Variants in CLYBL observed in about 807,000 individuals in gnomAD.
CLYBL encodes the protein citramalyl-CoA lyase, also known as citramalyl-CoA lyase, mitochondrial.
Under a neutral mutation model 38.9 loss-of-function variants are expected in CLYBL, and 31 were observed. That is an observed-to-expected ratio of 0.80 (90% CI 0.60 to 1.08). CLYBL has a LOEUF of 1.08. Among genes scored for constraint, CLYBL ranks in the 50% least tolerant of loss-of-function variants. The pLI is 0.00. For synonymous variants in CLYBL, 171 were observed against 158.6 expected (o/e 1.08, Z -0.59); for missense variants, 434 against 411.6 (o/e 1.05, Z -0.47).
At chr13:99,761,499 G>T (rs574552697) in intron 1 of CLYBL, among the ~76,000 whole-genome samples, 1 of 152,304 alleles carries the variant, frequency 6.6e-6, no homozygotes, top group African/African-American at 2.4e-5. Flanking sequence ...TGCTGCAAAT[G>T]ACAGGATTTC....
intron 7 of CLYBL, among the ~76,000 whole-genome samples, chr13:99,888,667 C>T (rs975255255): frequency 3.3e-5 from 5 of 152,028 alleles, no homozygotes; most frequent in Non-Finnish European, 5.9e-5. Flanking sequence ...GCAGGAGAAT[C>T]GAACCCGGGA....
chr13:99,905,397 G>A (rs186036667), exon 9 of CLYBL, among the ~76,000 whole-genome samples: 45 of 152,312 alleles, frequency 3.0e-4, no homozygotes, highest in African/African-American at 1.1e-3. Context: ...CTTCTGTTAC[G>A]TGCCTGTGGT....
chr13:99,696,856 AAGATG>A (rs2047987129), intron 1 of CLYBL, among the ~76,000 whole-genome samples: 1 of 152,160 alleles, frequency 6.6e-6, no homozygotes, highest in African/African-American at 2.4e-5. Context: ...GATGAAAAGA[AAGATG>A]AGAAGATAAG....
chr13:99,812,750 GGGT>G (rs1311569552), intron 2 of CLYBL, among the ~76,000 whole-genome samples: 1 of 152,156 alleles, frequency 6.6e-6, no homozygotes, highest in Non-Finnish European at 1.5e-5. Flanking sequence ...CGGTTAACTG[GGGT>G]GACTCATGTC....
intron 7 of CLYBL, among the ~76,000 whole-genome samples, chr13:99,891,098 C>T (rs1007926362): frequency 1.3e-5 from 2 of 151,996 alleles, no homozygotes; most frequent in African/African-American, 4.8e-5. Context: ...TGTGTTTCTC[C>T]TCTCCATTAA....
chr13:99,826,228 G>A (rs2761170), intron 2 of CLYBL, among the ~76,000 whole-genome samples: 98,313 of 152,010 alleles, frequency 0.65, 32,351 homozygotes, highest in African/African-American at 0.76. Context: ...TGTATAGGTG[G>A]TTGCCCTCCA....
intron 1 of CLYBL, among the ~76,000 whole-genome samples, chr13:99,617,587 A>G (rs998698339): frequency 3.9e-5 from 6 of 152,216 alleles, no homozygotes; most frequent in African/African-American, 1.4e-4. Flanking sequence ...CGCTCTAGCA[A>G]TGGGAGATGC....
intron 2 of CLYBL, among the ~76,000 whole-genome samples, chr13:99,798,097 A>G (rs968645930): frequency 1.3e-5 from 2 of 152,158 alleles, no homozygotes; most frequent in Admixed American, 6.6e-5. Context: ...AATATTTGCC[A>G]GAGTTTCTCT....
intron 1 of CLYBL, among the ~76,000 whole-genome samples, chr13:99,628,463 A>G (rs1018253482): frequency 1.3e-5 from 2 of 152,218 alleles, no homozygotes; most frequent in Non-Finnish European, 2.9e-5. Context: ...AAAAGTCAGA[A>G]GGCCAGGAGT....
chr13:99,872,919 G>A (rs1338900204), intron 7 of CLYBL, among the ~76,000 whole-genome samples: 1 of 151,410 alleles, frequency 6.6e-6, no homozygotes, highest in South Asian at 2.1e-4. Context: ...TTTGATGATG[G>A]CAACTTAAAT....
intron 1 of CLYBL, chr13:99,690,968 A>G (rs1014006442): frequency 3.3e-5 from 5 of 152,226 alleles, no homozygotes; most frequent in African/African-American, 1.2e-4. Context: ...TGTTTTGTTT[A>G]GTTAGAGGCA....
At chr13:99,772,696 C>CA (rs34526549) in intron 1 of CLYBL, 128 bp from the exon 2 acceptor site, 1 of 826,816 alleles carries the variant, frequency 1.2e-6, no homozygotes, top group Non-Finnish European at 1.8e-6. Flanking sequence ...GACCCTGTCT[C>CA]AAAAAAATAA....
intron 8 of CLYBL, among the ~76,000 whole-genome samples, chr13:99,903,207 T>C (rs947190160): frequency 8.5e-5 from 13 of 152,212 alleles, no homozygotes; most frequent in African/African-American, 2.9e-4. Flanking sequence ...AGACATGGTC[T>C]TCAATAAGGA....
At chr13:99,810,245 G>A (rs2050314601) in intron 2 of CLYBL, among the ~76,000 whole-genome samples, 1 of 152,216 alleles carries the variant, frequency 6.6e-6, no homozygotes, top group Non-Finnish European at 1.5e-5. Context: ...CATTCCAGTG[G>A]CCACTCACAT....
chr13:99,686,215 C>G (rs942052050), intron 1 of CLYBL, among the ~76,000 whole-genome samples: 9 of 152,174 alleles, frequency 5.9e-5, no homozygotes, highest in African/African-American at 9.7e-5. Context: ...TTCTTTCAAT[C>G]CAGGCTACAT....
At chr13:99,714,194 T>G (rs528483119) in intron 1 of CLYBL, among the ~76,000 whole-genome samples, 1 of 152,370 alleles carries the variant, frequency 6.6e-6, no homozygotes, top group South Asian at 2.1e-4. Context: ...TGTTTTTTGC[T>G]CTGTTCTGCT....
chr13:99,744,453 T>TC (rs2048815225), intron 1 of CLYBL, among the ~76,000 whole-genome samples: 1 of 152,142 alleles, frequency 6.6e-6, no homozygotes, highest in Non-Finnish European at 1.5e-5. Flanking sequence ...GGTGACCTAG[T>TC]CAGACGTAAA....
At chr13:99,764,664 A>G (rs1364458258) in intron 1 of CLYBL, among the ~76,000 whole-genome samples, 2 of 151,352 alleles carry the variant, frequency 1.3e-5, no homozygotes, top group African/African-American at 4.9e-5. Flanking sequence ...AGGGCTTGTC[A>G]ATTTTTGTAT....
intron 2 of CLYBL, among the ~76,000 whole-genome samples, chr13:99,822,927 C>T (rs1375476033): frequency 6.6e-6 from 1 of 152,198 alleles, no homozygotes; most frequent in Non-Finnish European, 1.5e-5. Context: ...ATATTATCTA[C>T]TGACTTCCTT....
Sources: gnomAD v4.1 joint callset for allele counts (sites outside exome capture counted in the v4.1 genomes callset) on GRCh38, gnomAD v4.1.1 for gene constraint, MANE v1.5 for transcripts, NCBI Gene and HGNC (gene_info 2026-07-23, HGNC 2026-07-21) for gene names.